The following TAFA4 variants were observed in gnomAD, a reference collection of about 807,000 sequenced individuals.
TAFA4 encodes the protein chemokine-like protein TAFA-4.
A neutral mutation model predicts 21.1 loss-of-function variants in TAFA4; 20 were observed. The ratio of observed to expected loss-of-function variants is 0.95; its 90% confidence interval spans 0.67 to 1.38. TAFA4 has a LOEUF of 1.38. Among genes scored for constraint, TAFA4 ranks in the 40% most tolerant of loss-of-function variants. The probability of loss-of-function intolerance (pLI) is 0.00; values close to 1 mark genes in which losing one functional copy is unlikely to be tolerated. For missense variants in TAFA4, 211 were observed against 180.9 expected (o/e 1.17, Z -0.95); for synonymous variants, 71 against 67.4 (o/e 1.05, Z -0.26).
intron 3 of TAFA4, among the ~76,000 whole-genome samples, chr3:68,753,588 A>G (rs1022053308): frequency 1.3e-5 from 2 of 152,136 alleles, no homozygotes; most frequent in African/African-American, 4.8e-5. Context: ...TGCCTGCCTC[A>G]GCCTCCCAAA....
intron 3 of TAFA4, among the ~76,000 whole-genome samples, chr3:68,864,037 G>A (rs980283223): frequency 6.6e-6 from 1 of 151,402 alleles, no homozygotes; most frequent in Non-Finnish European, 1.5e-5. Context: ...GTGTGATCTC[G>A]GATTGGGACA....
At chr3:68,917,673 G>C (rs896729431) in intron 1 of TAFA4, among the ~76,000 whole-genome samples, 1 of 148,392 alleles carries the variant, frequency 6.7e-6, no homozygotes, top group African/African-American at 2.5e-5. Context: ...AGAATCACTT[G>C]AACTCGAGAG....
intron 3 of TAFA4, among the ~76,000 whole-genome samples, chr3:68,769,655 A>G (rs1298375308): frequency 1.3e-5 from 2 of 152,240 alleles, no homozygotes; most frequent in Non-Finnish European, 2.9e-5. Flanking sequence ...CAATGCATAC[A>G]TGTATCGAAA....
chr3:68,777,695 G>A (rs1450804060), intron 3 of TAFA4, among the ~76,000 whole-genome samples: 1 of 152,104 alleles, frequency 6.6e-6, no homozygotes, highest in African/African-American at 2.4e-5. Context: ...AGAACAAATA[G>A]TAATATGCAA....
At chr3:68,855,711 G>C (rs997837654) in intron 3 of TAFA4, among the ~76,000 whole-genome samples, 1 of 151,962 alleles carries the variant, frequency 6.6e-6, no homozygotes, top group Admixed American at 6.6e-5. Flanking sequence ...CACTGAAAAT[G>C]ACTGAGTAGA....
At chr3:68,771,511 A>G (rs1702957256) in intron 3 of TAFA4, among the ~76,000 whole-genome samples, 1 of 152,216 alleles carries the variant, frequency 6.6e-6, no homozygotes, top group Admixed American at 6.5e-5. Context: ...ACTTCCTGCG[A>G]GGGGGATAAG....
intron 3 of TAFA4, among the ~76,000 whole-genome samples, chr3:68,801,068 C>G (rs1703569103): frequency 6.6e-6 from 1 of 152,150 alleles, no homozygotes; most frequent in Admixed American, 6.6e-5. Flanking sequence ...TTGCATGACT[C>G]CCTCCAGACT....
intron 3 of TAFA4, among the ~76,000 whole-genome samples, chr3:68,816,915 T>G (rs1703992458): frequency 6.6e-6 from 1 of 152,204 alleles, no homozygotes; most frequent in Non-Finnish European, 1.5e-5. Flanking sequence ...TGTCATAATC[T>G]TTATGCTGGT....
At chr3:68,750,337 C>T (rs1702537335) in intron 4 of TAFA4, among the ~76,000 whole-genome samples, 1 of 152,128 alleles carries the variant, frequency 6.6e-6, no homozygotes, top group Admixed American at 6.5e-5. Context: ...TAATTATGGC[C>T]TATCCATACA....
rs925354548 is a variant in TAFA4, at chr3:68,812,907, T to C, written c.131-59889A>G. On this transcript the variant is annotated intron_variant, in intron 3 of 5. Transcript: ENST00000295569. ...GCACCACACCACACCTATTCCAAAATTGACCACATACTTGGAAGTAAAGTA... is the reference window on the plus strand; with the variant it reads ...GCACCACACCACACCTATTCCAAAACTGACCACATACTTGGAAGTAAAGTA... Among the ~76,000 whole-genome samples, 9 of 152,142 alleles carry C rather than the reference T, an allele frequency of 5.9e-5. 1 individual carries two copies. The highest frequency in any genetic ancestry group is 4.1e-4 in the South Asian group (2 of 4,826).
At chr3:68,789,782 T>A (rs1406442167) in intron 3 of TAFA4, among the ~76,000 whole-genome samples, 2 of 152,196 alleles carry the variant, frequency 1.3e-5, no homozygotes, top group African/African-American at 4.8e-5. Flanking sequence ...ATCGGATGAA[T>A]TAACTTTGTT....
At chr3:68,839,135 T>G (rs1704594903) in intron 3 of TAFA4, among the ~76,000 whole-genome samples, 1 of 152,036 alleles carries the variant, frequency 6.6e-6, no homozygotes, top group African/African-American at 2.4e-5. Flanking sequence ...CCTGCCTATG[T>G]GGAGATTATA....
chr3:68,814,065 C>A (rs1703904081), intron 3 of TAFA4, among the ~76,000 whole-genome samples: 1 of 152,160 alleles, frequency 6.6e-6, no homozygotes, highest in Non-Finnish European at 1.5e-5. Context: ...AAGACAAAAA[C>A]CACATGATTA....
intron 3 of TAFA4, among the ~76,000 whole-genome samples, chr3:68,803,188 G>A (rs1016745209): frequency 6.6e-6 from 1 of 152,126 alleles, no homozygotes; most frequent in South Asian, 2.1e-4. Flanking sequence ...ACATGTGAGA[G>A]CCATCTATCT....
chr3:68,894,867 T>G (rs879754989), intron 1 of TAFA4, among the ~76,000 whole-genome samples: 2 of 152,062 alleles, frequency 1.3e-5, no homozygotes, highest in Non-Finnish European at 2.9e-5. Context: ...TTTGTTTTGT[T>G]TTTTGTAACA....
chr3:68,902,227 G>A (rs2089851120), intron 1 of TAFA4, among the ~76,000 whole-genome samples: 1 of 149,614 alleles, frequency 6.7e-6, no homozygotes, highest in Non-Finnish European at 1.5e-5. Context: ...AGAATATGAA[G>A]CCAGGTTCCC....
intron 1 of TAFA4, among the ~76,000 whole-genome samples, chr3:68,906,932 G>A (rs573536095): frequency 1.3e-5 from 2 of 150,928 alleles, no homozygotes; most frequent in South Asian, 2.1e-4. Context: ...TTGGGAGGCC[G>A]ACGTGGGAAG....
intron 3 of TAFA4, among the ~76,000 whole-genome samples, chr3:68,865,214 A>C (rs2089400290): frequency 6.6e-6 from 1 of 152,160 alleles, no homozygotes; most frequent in Non-Finnish European, 1.5e-5. Flanking sequence ...GAAACCAAAA[A>C]CAAATATTCA....
chr3:68,893,828 G>C (rs747045123), intron 1 of TAFA4, among the ~76,000 whole-genome samples: 9 of 152,126 alleles, frequency 5.9e-5, no homozygotes, highest in Non-Finnish European at 1.2e-4. Context: ...TTTGACAATG[G>C]TGCCCTCCTG....
Sources: gnomAD v4.1 joint callset for allele counts (sites outside exome capture counted in the v4.1 genomes callset) on GRCh38, gnomAD v4.1.1 for gene constraint, MANE v1.5 for transcripts, NCBI Gene and HGNC (gene_info 2026-07-23, HGNC 2026-07-21) for gene names.